The following ELF5 variants were observed in gnomAD, a reference collection of about 807,000 sequenced individuals.
The protein encoded by ELF5 is E74 like ETS transcription factor 5, also known as ETS-related transcription factor Elf-5.
ELF5 carries 31 observed loss-of-function variants against 38.2 expected under a neutral mutation model. The ratio of observed to expected loss-of-function variants is 0.81; its 90% CI spans 0.61 to 1.10. The LOEUF (loss-of-function observed/expected upper bound fraction) is 1.10, where lower values mean the gene tolerates loss of function less well. Ranked by LOEUF, ELF5 falls within the 50% of genes least tolerant of loss-of-function variation. The probability of loss-of-function intolerance (pLI) is 0.00; values close to 1 mark genes in which losing one functional copy is unlikely to be tolerated. For synonymous variants in ELF5, 121 were observed against 112.5 expected, an observed-to-expected ratio of 1.08 and a Z score of -0.48; for missense variants, 300 against 306.6, an observed-to-expected ratio of 0.98 and a Z score of 0.16.
At chr11:34,504,278 G>A (rs1452560951) in intron 2 of ELF5, among the ~76,000 whole-genome samples, 1 of 152,216 alleles carries the variant, frequency 6.6e-6, no homozygotes, top group African/African-American at 2.4e-5. Flanking sequence ...CATTTCTCAT[G>A]TCTTTCTGGG....
At chr11:34,507,313 T>C (rs1483541708) in intron 1 of ELF5, among the ~76,000 whole-genome samples, 3 of 152,258 alleles carry the variant, frequency 2.0e-5, no homozygotes, top group Non-Finnish European at 4.4e-5. Flanking sequence ...ACTTTAGCTA[T>C]ATTCTTCCTG....
intron 2 of ELF5, among the ~76,000 whole-genome samples, chr11:34,495,539 G>A (rs1287512118): frequency 6.6e-6 from 1 of 152,208 alleles, no homozygotes; most frequent in African/African-American, 2.4e-5. Flanking sequence ...GGAAATAGAG[G>A]CTCCCCTTAA....
intron 1 of ELF5, chr11:34,511,398 A>G: frequency 9.1e-7 from 1 of 1,093,586 alleles, no homozygotes. Flanking sequence ...GCCCACCGAT[A>G]GATCCGTGGA....
intron 2 of ELF5, among the ~76,000 whole-genome samples, chr11:34,495,033 A>G (rs1850283361): frequency 6.6e-6 from 1 of 152,198 alleles, no homozygotes; most frequent in Non-Finnish European, 1.5e-5. Flanking sequence ...ATCACAGAAG[A>G]GGAACTTGAA....
At chr11:34,484,413 A>G (rs60923041) in intron 4 of ELF5, among the ~76,000 whole-genome samples, 1 of 151,594 alleles carries the variant, frequency 6.6e-6, no homozygotes, top group African/African-American at 2.4e-5. Context: ...ATACTGCACT[A>G]TACTATACTA....
chr11:34,496,659 C>A (rs1338687116), intron 2 of ELF5, among the ~76,000 whole-genome samples: 2 of 152,224 alleles, frequency 1.3e-5, no homozygotes, highest in South Asian at 2.1e-4. Context: ...CCTCCTCATC[C>A]CTCCCCTCCA....
At chr11:34,490,885 TGAG>T (rs1324377278) in intron 3 of ELF5, among the ~76,000 whole-genome samples, 1 of 152,152 alleles carries the variant, frequency 6.6e-6, no homozygotes, top group Non-Finnish European at 1.5e-5. Context: ...AAGGGCCGAC[TGAG>T]AACAGGATGG....
chr11:34,513,239 G>A (rs979104170), intron 1 of ELF5, among the ~76,000 whole-genome samples: 1 of 152,134 alleles, frequency 6.6e-6, no homozygotes, highest in African/African-American at 2.4e-5. Context: ...TCTCTGTATC[G>A]AGGGGGTGGG....
At chr11:34,506,242 A>C (rs1392255734) in intron 1 of ELF5, among the ~76,000 whole-genome samples, 1 of 152,132 alleles carries the variant, frequency 6.6e-6, no homozygotes, top group Non-Finnish European at 1.5e-5. Flanking sequence ...GGAACAGAAA[A>C]CCGTATACCT....
Position 34,505,763 on chromosome 11 carries a change from C to T in ELF5, c.-4-10G>A, listed in dbSNP as rs2133900699. 6.2e-7 allele frequency: 1 copy of T among 1,612,372 alleles called. No homozygotes were observed. Among genetic ancestry groups the T allele is most frequent in the East Asian group, 2.2e-5 (1 of 44,842 alleles). On this transcript the variant is annotated splice_polypyrimidine_tract_variant and intron_variant, in intron 1 of 6. Transcript: ENST00000257832. ...CGAGTCCAACATTACCCTGCAACAG[C>T]AGGAGAGGTCGTGAGGAGGCTGGGG...
At chr11:34,511,889 A>C in intron 1 of ELF5, 1 of 378,170 alleles carries the variant, frequency 2.6e-6, no homozygotes. Flanking sequence ...AAATTGGCCC[A>C]ATTAAGCATC....
At chr11:34,486,810 A>T (rs1850007406) in intron 4 of ELF5, among the ~76,000 whole-genome samples, 1 of 152,216 alleles carries the variant, frequency 6.6e-6, no homozygotes, top group African/African-American at 2.4e-5. Context: ...GTGCTTAATA[A>T]ATGGTAAAGA....
In ELF5 at chr11:34,490,033, C is replaced by T. The variant is rs199749742; in HGVS notation, c.382G>A (p.Glu128Lys). 12 of 1,613,988 alleles carry T rather than the reference C, an allele frequency of 7.4e-6. No individual in the cohort carries two copies. Among genetic ancestry groups the T allele is most frequent in the East Asian group, 2.2e-5 (1 of 44,886 alleles). ...CAGTCTTTGATGGTGGCCTTGCTTT[C>T]TTCAGCGTCATTAAAAAAGGAGTAA... ...QGYSFFNDAE[E>K]SKATIKDYAD... Residue 128 changes from glutamate (E) to lysine (K), a missense_variant, in exon 4 of 7, where the codon GAA becomes AAA. By Grantham distance (56) the Glu-to-Lys change is moderately conservative. Transcript: ENST00000257832.
At position 34,493,628 on chromosome 11, in the gene ELF5, T is replaced by C; in HGVS notation, c.206A>G (p.Gln69Arg). 1 of 1,614,214 alleles carries C rather than the reference T, an allele frequency of 6.2e-7. No individual in the cohort carries two copies. The highest frequency in any genetic ancestry group is 8.5e-7 in the Non-Finnish European group (1 of 1,180,044). The stretch of plus-strand genomic sequence containing the variant: ...GATGCAATTGGTGTCCAACTTGTAC[T>C]GGTCGCAGCAGAACTGGAGCCACTC... ...VWEWLQFCCD[Q>R]YKLDTNCISF... Residue 69 changes from glutamine (Q) to arginine (R), a missense_variant, in exon 3 of 7, where the codon CAG becomes CGG. Physicochemically the swap from Gln to Arg is conservative, Grantham distance 43 (BLOSUM62 1). Coordinates refer to ENST00000257832, the MANE Select transcript of ELF5 (RefSeq NM_001422.4).
In ELF5 at chr11:34,511,751, A is replaced by T. The variant is rs1590347103; in HGVS notation, c.-5+1926T>A. Reference sequence around the variant, plus strand: ...GCTCCCATGGCCTGAGCAACCCGGCACCCCTGCTCAGCCTCCCAGAGAGAG... The same window carrying T: ...GCTCCCATGGCCTGAGCAACCCGGCTCCCCTGCTCAGCCTCCCAGAGAGAG... On this transcript the variant is annotated intron_variant, in intron 1 of 6. Transcript: ENST00000257832. The T allele has an allele frequency of 6.1e-6, 4 of 654,516 alleles. No individual in the cohort carries two copies. In the East Asian group the frequency reaches 1.1e-4, roughly 19 times the overall value. The allele number at this position is 654,516 out of a possible 1,614,324, so 40.5% of individuals were successfully genotyped here.
chr11:34,510,506 CT>C (rs1328839347), intron 1 of ELF5, among the ~76,000 whole-genome samples: 4 of 152,020 alleles, frequency 2.6e-5, no homozygotes, highest in Non-Finnish European at 5.9e-5. Context: ...CTCTTAAGGA[CT>C]TCTTTAGTGG....
At chr11:34,500,704 A>G (rs536098939) in intron 2 of ELF5, among the ~76,000 whole-genome samples, 191 of 152,350 alleles carry the variant, frequency 1.3e-3, no homozygotes, top group Non-Finnish European at 1.9e-3. Flanking sequence ...CTCACCTCAG[A>G]CTTTCAGATG....
chr11:34,485,579 G>A (rs1849970079), intron 4 of ELF5, among the ~76,000 whole-genome samples: 2 of 152,222 alleles, frequency 1.3e-5, no homozygotes, highest in African/African-American at 4.8e-5. Flanking sequence ...TTGGATGAAG[G>A]GGATCTGGCT....
chr11:34,480,724 T>C (rs769160572), intron 6 of ELF5, 48 bp downstream of exon 6: 4 of 1,585,798 alleles, frequency 2.5e-6, no homozygotes, highest in African/African-American at 2.7e-5. Context: ...CCAGCCATTG[T>C]ATATAACTCT....
Sources: allele counts gnomAD v4.1 joint callset (sites outside exome capture counted in the v4.1 genomes callset), GRCh38; gene constraint gnomAD v4.1.1; transcripts MANE v1.5; gene names NCBI Gene and HGNC (gene_info 2026-07-23, HGNC 2026-07-21).